The following BICD1 variants were observed in gnomAD, a reference collection of about 807,000 sequenced individuals.
BICD1 encodes the protein protein bicaudal D homolog 1.
BICD1 carries 35 observed loss-of-function variants against 92.5 expected under a neutral mutation model. That is an observed-to-expected ratio of 0.38 (90% CI 0.29 to 0.50). BICD1 has a LOEUF of 0.50. Among genes scored for constraint, BICD1 ranks in the 20% least tolerant of loss-of-function variants. The probability of loss-of-function intolerance (pLI) is 0.93; values close to 1 mark genes in which losing one functional copy is unlikely to be tolerated. For synonymous variants in BICD1, 429 were observed against 465.1 expected (o/e 0.92, Z 1.00); for missense variants, 950 against 1,189.8 (o/e 0.80, Z 2.97).
intron 9 of BICD1, among the ~76,000 whole-genome samples, chr12:32,373,498 C>T (rs1309979406): frequency 6.6e-6 from 1 of 152,110 alleles, no homozygotes; most frequent in African/African-American, 2.4e-5. Flanking sequence ...AGGTGTTAGG[C>T]AAAGTGAGTT....
intron 2 of BICD1, among the ~76,000 whole-genome samples, chr12:32,287,043 T>C (rs57559050): frequency 0.057 from 8,598 of 152,042 alleles, 791 homozygotes; most frequent in African/African-American, 0.2. Context: ...TCAGGGAAGG[T>C]TTCCCTGAGG....
At chr12:32,367,832 C>A (rs755485650) in intron 9 of BICD1, 87 bp downstream of exon 9, 1 of 1,182,204 alleles carries the variant, frequency 8.5e-7, no homozygotes. Flanking sequence ...GAACTGCCTA[C>A]GCATCATTGT....
At chr12:32,373,788 G>A (rs1299836358) in intron 9 of BICD1, among the ~76,000 whole-genome samples, 1 of 150,980 alleles carries the variant, frequency 6.6e-6, no homozygotes, top group Non-Finnish European at 1.5e-5. Context: ...GCTGAGACAG[G>A]AGAATCACTT....
At chr12:32,209,745 C>T (rs1253628594) in intron 1 of BICD1, among the ~76,000 whole-genome samples, 1 of 152,180 alleles carries the variant, frequency 6.6e-6, no homozygotes, top group Non-Finnish European at 1.5e-5. Flanking sequence ...TTCTAGGTCA[C>T]TCCCTCACTT....
intron 1 of BICD1, among the ~76,000 whole-genome samples, chr12:32,174,457 C>G (rs1008917473): frequency 6.6e-6 from 1 of 151,928 alleles, no homozygotes; most frequent in Admixed American, 6.6e-5. Context: ...GTACAATGTT[C>G]ACACTACTGC....
At chr12:32,167,864 C>A (rs191433118) in intron 1 of BICD1, among the ~76,000 whole-genome samples, 22 of 152,212 alleles carry the variant, frequency 1.4e-4, no homozygotes, top group African/African-American at 4.8e-4. Flanking sequence ...TGGAGCCAGG[C>A]TTCCTTGTAC....
intron 8 of BICD1, among the ~76,000 whole-genome samples, chr12:32,348,763 T>C (rs199790378): frequency 4.0e-5 from 1 of 24,836 alleles, no homozygotes; most frequent in Non-Finnish European, 6.9e-5. Flanking sequence ...TATATATATA[T>C]ATATATATAT....
At chr12:32,215,089 C>T (rs779627000) in intron 1 of BICD1, among the ~76,000 whole-genome samples, 8 of 152,048 alleles carry the variant, frequency 5.3e-5, no homozygotes, top group Non-Finnish European at 1.0e-4. Flanking sequence ...ATTAGCTGGG[C>T]ATGGTGATGG....
At chr12:32,305,473 T>A (rs1461927275) in intron 3 of BICD1, among the ~76,000 whole-genome samples, 1 of 151,398 alleles carries the variant, frequency 6.6e-6, no homozygotes, top group Admixed American at 6.6e-5. Flanking sequence ...ATAACATTTA[T>A]GTTATATCAC....
chr12:32,378,478 T>C lies in BICD1; in HGVS notation c.*851T>C, dbSNP rs1448969556. The stretch of plus-strand genomic sequence containing the variant: ...TAGATGTACTGGTGCTGCTCCTTTG[T>C]ATGTGTGTATGTGTGTGATAACGTT... On this transcript the variant is annotated 3_prime_UTR_variant, in exon 10 of 10. Transcript: ENST00000652176. 6.6e-6 allele frequency: 1 copy of C among 152,194 alleles called. No individual in the cohort carries two copies. Among genetic ancestry groups the C allele is most frequent in the African/African-American group, 2.4e-5 (1 of 41,444 alleles). The allele number at this position is 152,194 out of a possible 1,614,324, so 9.4% of individuals were successfully genotyped here. A position where few individuals can be genotyped will look rare whatever the true frequency, so the allele number is the denominator to read the frequency against.
At chr12:32,114,788 C>G (rs1002913604) in intron 1 of BICD1, among the ~76,000 whole-genome samples, 78 of 152,240 alleles carry the variant, frequency 5.1e-4, no homozygotes, top group African/African-American at 1.8e-3. Context: ...TGATTGCTTT[C>G]TAAATTAGGA....
intron 2 of BICD1, among the ~76,000 whole-genome samples, chr12:32,284,569 C>G (rs1167757237): frequency 6.6e-6 from 1 of 152,134 alleles, no homozygotes; most frequent in Non-Finnish European, 1.5e-5. Flanking sequence ...ATTGGAGCAG[C>G]TGCTTAATTT....
rs556481308 is a variant in BICD1 at position 32,192,012 on chromosome 12, A to T, written c.214-24235A>T. 5.6e-4 allele frequency among the ~76,000 whole-genome samples: 85 copies of T among 152,308 alleles called. 1 individual carries two copies. The highest frequency in any genetic ancestry group is 2.0e-3 in the African/African-American group (83 of 41,570). On this transcript the variant is annotated intron_variant, in intron 1 of 9. Transcript: ENST00000652176. Reference sequence around the variant, plus strand: ...TCTCACTTTAAATCGAAATGTAGAAATGATTAAGCTTAGTGAAGAAGGCAT... The same window carrying T: ...TCTCACTTTAAATCGAAATGTAGAATTGATTAAGCTTAGTGAAGAAGGCAT...
At chr12:32,207,100 A>T (rs1945079614) in intron 1 of BICD1, among the ~76,000 whole-genome samples, 1 of 152,244 alleles carries the variant, frequency 6.6e-6, no homozygotes, top group African/African-American at 2.4e-5. Context: ...GATAGGACCA[A>T]GGAGGACAGA....
intron 2 of BICD1, among the ~76,000 whole-genome samples, chr12:32,222,271 C>A (rs1018319568): frequency 6.6e-6 from 1 of 152,188 alleles, no homozygotes; most frequent in African/African-American, 2.4e-5. Flanking sequence ...AATGAATTAT[C>A]GACCTTAGTA....
At position 32,289,212 on chromosome 12, in the gene BICD1, A is replaced by T. The variant is rs114835603; in HGVS notation, c.427-4782A>T. On this transcript the variant is annotated intron_variant, in intron 2 of 9. Transcript: ENST00000652176. ...GAAAGCTTCTGAAACTTGCAAAGGG[A>T]CCTCCACTTCCCCACTGCACCATAC... Among the ~76,000 whole-genome samples, 378 of 152,164 alleles carry T rather than the reference A, an allele frequency of 2.5e-3. 4 individuals carry two copies. The highest frequency in any genetic ancestry group is 0.01 in the Middle Eastern group (3 of 294).
intron 9 of BICD1, among the ~76,000 whole-genome samples, chr12:32,370,338 G>A (rs1939687842): frequency 6.6e-6 from 1 of 150,754 alleles, no homozygotes; most frequent in African/African-American, 2.5e-5. Flanking sequence ...CTGCATTACA[G>A]CCTGGCGACA....
intron 1 of BICD1, among the ~76,000 whole-genome samples, chr12:32,145,088 C>A (rs1273333582): frequency 6.6e-6 from 1 of 152,132 alleles, no homozygotes. Flanking sequence ...TAATCAGCAC[C>A]CCTGTGCATA....
intron 1 of BICD1, among the ~76,000 whole-genome samples, chr12:32,158,260 C>G (rs1161293736): frequency 1.3e-5 from 2 of 152,020 alleles, no homozygotes; most frequent in African/African-American, 4.8e-5. Flanking sequence ...CGCCCACCCC[C>G]ATGCCCGGCT....
Sources: allele counts gnomAD v4.1 joint callset (sites outside exome capture counted in the v4.1 genomes callset), GRCh38; gene constraint gnomAD v4.1.1; transcripts MANE v1.5; gene names NCBI Gene and HGNC (gene_info 2026-07-23, HGNC 2026-07-21).